CHD6: variants seen among roughly 807,000 people sequenced by gnomAD.
The protein encoded by CHD6 is chromodomain helicase DNA binding protein 6.
CHD6 carries 50 observed loss-of-function variants against 276.9 expected under a neutral mutation model. That is an observed-to-expected ratio of 0.18 (90% CI 0.14 to 0.23). CHD6 has a LOEUF of 0.23. Ranked by LOEUF, CHD6 falls within the 10% of genes least tolerant of loss-of-function variation. The pLI, the probability that CHD6 is intolerant of heterozygous loss-of-function variation, is 1.00. For missense variants in CHD6, 2,564 were observed against 3,365.8 expected (o/e 0.76, Z 5.89); for synonymous variants, 1,173 against 1,229.3 (o/e 0.95, Z 0.96).
chr20:41,589,654 C>T (rs6102481), intron 1 of CHD6, among the ~76,000 whole-genome samples: 58,354 of 152,046 alleles, frequency 0.38, 13,963 homozygotes, highest in African/African-American at 0.66. Context: ...AGGAATCCAA[C>T]TTACAAGGAA....
At chr20:41,437,163 C>A in intron 27 of CHD6, 111 bp downstream of exon 27, 1 of 747,560 alleles carries the variant, frequency 1.3e-6, no homozygotes, top group Non-Finnish European at 2.3e-6. Context: ...GGGCAAAATG[C>A]AATGTAACTG....
chr20:41,455,946 G>A lies in CHD6; in HGVS notation c.2863C>T (p.Leu955=), dbSNP rs1409001769. 1.3e-6 allele frequency: 2 copies of A among 1,592,070 alleles called. No individual in the cohort carries two copies. Among genetic ancestry groups the A allele is most frequent in the Non-Finnish European group, 1.7e-6 (2 of 1,170,554 alleles). Residue 955 remains leucine, a synonymous_variant, in exon 19 of 37, where the codon CTA becomes TTA. Coordinates refer to ENST00000373233, the MANE Select transcript of CHD6 (RefSeq NM_032221.5). The part of the protein sequence containing the change: ...QQLSKMEVED[L]LRKGAYGALM... ...GCTCCATAAGCACCTTTCCGGAGTA[G>A]GTCCTCCACCTCCATTTTTGAGAGC...
intron 1 of CHD6, among the ~76,000 whole-genome samples, chr20:41,572,952 C>T (rs1005020457): frequency 6.6e-6 from 1 of 152,064 alleles, no homozygotes; most frequent in African/African-American, 2.4e-5. Context: ...CTCTGTCGCC[C>T]AGGCTGGAGT....
intron 1 of CHD6, among the ~76,000 whole-genome samples, chr20:41,604,647 T>A (rs375478112): frequency 6.6e-6 from 1 of 152,142 alleles, no homozygotes; most frequent in African/African-American, 2.4e-5. Context: ...TCAGGAAGAT[T>A]TGAACAAACA....
At chr20:41,482,602 A>T (rs943721765) in intron 16 of CHD6, 1 of 482,442 alleles carries the variant, frequency 2.1e-6, no homozygotes, top group Non-Finnish European at 4.1e-6. Context: ...GTCTTTTATC[A>T]TTAAGAATGA....
At chr20:41,584,549 G>A (rs1339036468) in intron 1 of CHD6, among the ~76,000 whole-genome samples, 4 of 151,994 alleles carry the variant, frequency 2.6e-5, no homozygotes, top group East Asian at 1.9e-4. Context: ...AACATGGAAC[G>A]TTCACCAATA....
At chr20:41,427,883 T>A (rs1293491893) in intron 27 of CHD6, among the ~76,000 whole-genome samples, 1 of 152,262 alleles carries the variant, frequency 6.6e-6, no homozygotes, top group African/African-American at 2.4e-5. Context: ...ATCCCCACAG[T>A]ATCTGTGAAG....
rs530761913 is a variant in CHD6, at chr20:41,589,848, G to T, written c.-24+28492C>A. The stretch of plus-strand genomic sequence containing the variant: ...CCATCAAGCTATCACTTTCTTCACA[G>T]AATTGGAAAAAACTACTTTAAAGTT... On this transcript the variant is annotated intron_variant, in intron 1 of 36. Transcript: ENST00000373233. Among the ~76,000 whole-genome samples the T allele has an allele frequency of 2.0e-5, 3 of 152,278 alleles. No individual in the cohort carries two copies. In the East Asian group the frequency reaches 5.8e-4, roughly 29 times the overall value.
intron 1 of CHD6, among the ~76,000 whole-genome samples, chr20:41,565,745 CA>C (rs2045348629): frequency 6.6e-6 from 1 of 152,096 alleles, no homozygotes; most frequent in Non-Finnish European, 1.5e-5. Context: ...AGTGAGAGAT[CA>C]GGACTGGAAA....
At chr20:41,415,064 A>G in intron 34 of CHD6, 122 bp downstream of exon 34, 1 of 1,479,886 alleles carries the variant, frequency 6.8e-7, no homozygotes, top group Non-Finnish European at 9.0e-7. Context: ...ATGAGAGAAA[A>G]TAAAGCAGGA....
At chr20:41,420,378 C>T (rs1600814071) in intron 31 of CHD6, 130 bp downstream of exon 31, 1 of 990,064 alleles carries the variant, frequency 1.0e-6, no homozygotes, top group Non-Finnish European at 1.5e-6. Context: ...AGGCCTATGA[C>T]CTTTGGTGAG....
At chr20:41,536,170 T>C (rs904301189) in intron 2 of CHD6, among the ~76,000 whole-genome samples, 7 of 152,154 alleles carry the variant, frequency 4.6e-5, no homozygotes, top group African/African-American at 1.7e-4. Context: ...ATTACCACTT[T>C]GAAACTGGCC....
intron 1 of CHD6, among the ~76,000 whole-genome samples, chr20:41,565,674 A>G (rs2045347733): frequency 6.6e-6 from 1 of 152,220 alleles, no homozygotes; most frequent in Non-Finnish European, 1.5e-5. Context: ...GATTTCCTGG[A>G]TTCCAATTCG....
chr20:41,486,847 T>C (rs1044503046), intron 14 of CHD6, among the ~76,000 whole-genome samples: 1 of 148,490 alleles, frequency 6.7e-6, no homozygotes, highest in Admixed American at 6.7e-5. Context: ...TTATGCTGGG[T>C]TTTTTTTTTT....
intron 1 of CHD6, among the ~76,000 whole-genome samples, chr20:41,601,804 A>C (rs906199567): frequency 2.0e-5 from 3 of 152,208 alleles, no homozygotes; most frequent in Admixed American, 6.5e-5. Flanking sequence ...AGTGCCTGGC[A>C]TATCGTGAGC....
intron 1 of CHD6, among the ~76,000 whole-genome samples, chr20:41,588,122 T>C (rs1236899989): frequency 6.6e-6 from 1 of 151,970 alleles, no homozygotes; most frequent in Non-Finnish European, 1.5e-5. Flanking sequence ...GTGGTGTAAA[T>C]GGCAAAATCC....
At chr20:41,499,197 G>T in intron 6 of CHD6, 98 bp downstream of exon 6, 1 of 871,810 alleles carries the variant, frequency 1.1e-6, no homozygotes, top group Non-Finnish European at 1.8e-6. Context: ...TCTCACTCCA[G>T]CCAATAATGG....
chr20:41,576,675 C>T (rs1282638359), intron 1 of CHD6, among the ~76,000 whole-genome samples: 1 of 152,064 alleles, frequency 6.6e-6, no homozygotes, highest in Non-Finnish European at 1.5e-5. Flanking sequence ...CTCTGTCTCC[C>T]CCCAGCAAAA....
chr20:41,611,927 C>T (rs756105657), intron 1 of CHD6, among the ~76,000 whole-genome samples: 25 of 152,096 alleles, frequency 1.6e-4, no homozygotes, highest in African/African-American at 1.9e-4. Flanking sequence ...TGTGAGCCAC[C>T]GCACCTGGCA....
Sources: gnomAD v4.1 joint callset for allele counts (sites outside exome capture counted in the v4.1 genomes callset) on GRCh38, gnomAD v4.1.1 for gene constraint, MANE v1.5 for transcripts, NCBI Gene and HGNC (gene_info 2026-07-23, HGNC 2026-07-21) for gene names.